The following ADGRG1 variants were observed in gnomAD, a reference collection of about 807,000 sequenced individuals.
ADGRG1 encodes 7-transmembrane protein with no EGF-like N-terminal domains-1.
ADGRG1 carries 53 observed loss-of-function variants against 73.5 expected under a neutral mutation model. The ratio of observed to expected loss-of-function variants is 0.72; its 90% CI spans 0.58 to 0.91. The LOEUF is 0.91. ADGRG1 is among the 40% of genes least tolerant of loss of function. The pLI is 0.00. For missense variants in ADGRG1, 795 were observed against 871.8 expected, an observed-to-expected ratio of 0.91 and a Z score of 1.11; for synonymous variants, 394 against 374.4, an observed-to-expected ratio of 1.05 and a Z score of -0.60.
chr16:57,637,988 G>A (rs1415581564), intron 1 of ADGRG1, among the ~76,000 whole-genome samples: 1 of 152,232 alleles, frequency 6.6e-6, no homozygotes, highest in African/African-American at 2.4e-5. Context: ...GAAAACCTCG[G>A]TGGGGGTTCT....
chr16:57,628,923 T>TGC, intron 1 of ADGRG1, 121 bp downstream of exon 1: 1 of 729,848 alleles, frequency 1.4e-6, no homozygotes, highest in Non-Finnish European at 1.6e-6. Context: ...TGAGAGTGAG[T>TGC]GTGAGTGTGA....
In ADGRG1 at chr16:57,643,558, TG is replaced by T. The variant is rs1355444872; in HGVS notation, c.-35-6689del. The T allele has an allele frequency of 4.2e-6, 4 of 944,280 alleles. No homozygotes were observed. The African/African-American group carries it at 7.2e-5, about 17-fold the overall frequency. 58.5% of individuals were successfully genotyped at this position (944,280 alleles called of 1,614,324 possible). On this transcript the variant is annotated intron_variant, in intron 1 of 13. Coordinates refer to ENST00000562631, the MANE Select transcript of ADGRG1 (RefSeq NM_201525.4). ...GACAGTGAGGCCTGAGCTGGCGGTA[TG>T]GGGGGTGGGGGGTGTCCAGCAGGTC...
At chr16:57,657,259 G>A (rs1417321760) in intron 9 of ADGRG1, 114 bp from the exon 10 acceptor site, 20 of 1,498,194 alleles carry the variant, frequency 1.3e-5, no homozygotes, top group South Asian at 2.3e-5. Context: ...GGGAGAGGGG[G>A]TTCTTAGGCT....
Position 57,628,977 on chromosome 16 carries a change from AGAGT to A in ADGRG1, c.-36+183_-36+186del, listed in dbSNP as rs140750525. On this transcript the variant is annotated intron_variant, in intron 1 of 13. Transcript: ENST00000562631. Reference sequence around the variant, plus strand: ...GAGAGTGTGTGAGTGTGAGTGTGTGAGAGTGAGTGAGAATGTGAGTGTGAGTGTG... The same window carrying A: ...GAGAGTGTGTGAGTGTGAGTGTGTGAGAGTGAGAATGTGAGTGTGAGTGTG... 120,059 of 466,782 alleles carry A rather than the reference AGAGT, an allele frequency of 0.26. 16,826 individuals carry two copies. Among genetic ancestry groups the A allele is most frequent in the African/African-American group, 0.34 (11,833 of 35,058 alleles). The allele number at this position is 466,782 out of a possible 1,614,324, so 28.9% of individuals were successfully genotyped here.
chr16:57,635,692 G>A (rs1261348659), intron 1 of ADGRG1: 1 of 985,218 alleles, frequency 1.0e-6, no homozygotes, highest in African/African-American at 1.7e-5. Flanking sequence ...GCCCCTCTGA[G>A]CCTCCCTTTC....
At chr16:57,644,335 GCA>G (rs1228221796) in intron 1 of ADGRG1, 6 of 317,938 alleles carry the variant, frequency 1.9e-5, no homozygotes, top group African/African-American at 2.4e-5. Context: ...TCATGCATGG[GCA>G]CACACACTGA....
At chr16:57,646,328 C>G (rs2042622951) in intron 1 of ADGRG1, 1 of 920,790 alleles carries the variant, frequency 1.1e-6, no homozygotes. Flanking sequence ...AGGTCTGGAG[C>G]TGGAGCCCTG....
At chr16:57,652,041 G>C (rs187838875) in intron 3 of ADGRG1, 280 of 1,078,616 alleles carry the variant, frequency 2.6e-4, no homozygotes, top group Non-Finnish European at 2.1e-4. Context: ...TCACAGAGGA[G>C]GAAACTGGGG....
chr16:57,660,548 C>A, intron 11 of ADGRG1: 2 of 751,392 alleles, frequency 2.7e-6, no homozygotes, highest in Non-Finnish European at 3.2e-6. Flanking sequence ...AAGGGCAGGG[C>A]TAAGGTTGGA....
intron 1 of ADGRG1, chr16:57,621,054 T>G (rs1333776146): frequency 6.6e-6 from 1 of 152,250 alleles, no homozygotes; most frequent in East Asian, 1.9e-4. Flanking sequence ...GGTGGGTGTC[T>G]GGAGTTGCGG....
At chr16:57,626,631 C>T (rs1445329300), upstream of ADGRG1, 10 of 985,330 alleles carry the variant, frequency 1.0e-5, no homozygotes, top group South Asian at 1.4e-4. Flanking sequence ...CAGCTGGCTC[C>T]GCACTCTCTT....
intron 11 of ADGRG1, 93 bp downstream of exon 11, chr16:57,659,774 T>C: frequency 7.4e-7 from 1 of 1,352,800 alleles, no homozygotes; most frequent in South Asian, 1.2e-5. Flanking sequence ...CACCTATCTC[T>C]CTGACTTCCC....
intron 1 of ADGRG1, chr16:57,644,219 C>A (rs544134503): frequency 3.1e-6 from 3 of 982,218 alleles, no homozygotes; most frequent in East Asian, 2.3e-4. Flanking sequence ...CACGGGCACA[C>A]GCACTCATGC....
intron 1 of ADGRG1, chr16:57,629,188 GGTGGGATCTA>G (rs2037017805): frequency 1.0e-6 from 1 of 984,820 alleles, no homozygotes; most frequent in East Asian, 1.1e-4. Flanking sequence ...TTGGTATCTT[GGTGGGATCTA>G]GTCCAGGTCA....
In ADGRG1 at chr16:57,656,466, T is replaced by C. The variant is rs759618230; in HGVS notation, c.1064-48T>C. ...GCTTTTGGGGGTGGACACAGTGGGG[T>C]CCTGGAGGACTGGACTTGATTGGAG... On this transcript the variant is annotated intron_variant, in intron 8 of 13. Transcript: ENST00000562631. 4.4e-6 allele frequency: 7 copies of C among 1,584,298 alleles called. No individual in the cohort carries two copies. In the South Asian group the frequency reaches 7.7e-5, roughly 18 times the overall value.
rs1242828665 is a variant in ADGRG1 at position 57,659,490 on chromosome 16, T to C, written c.1364T>C (p.Leu455Pro). The change falls in exon 11 of 14, where the codon CTG becomes CCG. Residue 455 changes from leucine to proline, a missense_variant. Physicochemically the swap from Leu to Pro is moderately conservative, Grantham distance 98. Coordinates refer to ENST00000562631, the MANE Select transcript of ADGRG1 (RefSeq NM_201525.4). ...LAVFLLDTSF[L>P]LSEPVALTGS... Reference sequence around the variant, plus strand: ...GTCTTCCTGCTGGACACGAGCTTCCTGCTCAGCGAGCCGGTGGCCCTGACA... The same window carrying C: ...GTCTTCCTGCTGGACACGAGCTTCCCGCTCAGCGAGCCGGTGGCCCTGACA... 4 of 1,613,808 alleles carry C rather than the reference T, an allele frequency of 2.5e-6. No individual in the cohort carries two copies. Among genetic ancestry groups the C allele is most frequent in the Non-Finnish European group, 3.4e-6 (4 of 1,179,834 alleles).
At chr16:57,634,170 A>G in intron 1 of ADGRG1, 1 of 985,394 alleles carries the variant, frequency 1.0e-6, no homozygotes, top group Non-Finnish European at 1.2e-6. Context: ...CCTGGGAGCT[A>G]GGCTGAGCAG....
At chr16:57,635,507 C>T (rs914320851) in intron 1 of ADGRG1, 1 of 985,062 alleles carries the variant, frequency 1.0e-6, no homozygotes, top group Non-Finnish European at 1.2e-6. Context: ...TGGTGGCATG[C>T]CCCAGGGTCC....
chr16:57,630,514 G>T, intron 1 of ADGRG1: 2 of 985,570 alleles, frequency 2.0e-6, no homozygotes, highest in South Asian at 9.4e-5. Context: ...GGCTCCCGTA[G>T]GCCTGGGGCT....
Sources: allele counts gnomAD v4.1 joint callset (sites outside exome capture counted in the v4.1 genomes callset), GRCh38; gene constraint gnomAD v4.1.1; transcripts MANE v1.5; gene names NCBI Gene and HGNC (gene_info 2026-07-23, HGNC 2026-07-21).